Variants in VWA5A observed in about 807,000 individuals in gnomAD.
VWA5A encodes the protein von Willebrand factor A domain-containing protein 5A.
In VWA5A, 77 loss-of-function variants were observed where a neutral mutation model predicts 84.6. The observed-to-expected ratio is 0.91, with a 90% CI of 0.76 to 1.10. The LOEUF (loss-of-function observed/expected upper bound fraction) is 1.10, where lower values mean the gene tolerates loss of function less well. Among genes scored for constraint, VWA5A ranks in the 50% least tolerant of loss-of-function variants. VWA5A has a pLI of 0.00. For missense variants in VWA5A, 973 were observed against 963.0 expected (o/e 1.01, Z -0.14); for synonymous variants, 334 against 350.1 (o/e 0.95, Z 0.51).
At chr11:124,123,206 C>T (rs964433092) in intron 8 of VWA5A, 77 bp downstream of exon 8, 60 of 1,551,506 alleles carry the variant, frequency 3.9e-5, no homozygotes, top group Non-Finnish European at 5.2e-5. Context: ...AAGGGTCTAT[C>T]TGGAGCCTGA....
intron 6 of VWA5A, 128 bp downstream of exon 6, chr11:124,118,836 A>G: frequency 1.5e-6 from 2 of 1,354,664 alleles, no homozygotes; most frequent in Non-Finnish European, 2.0e-6. Context: ...ATCGTCATTT[A>G]ATCTCCAGAG....
At chr11:124,122,897 T>G (rs1864952200) in intron 7 of VWA5A, 63 bp from the exon 8 acceptor site, 22 of 1,491,616 alleles carry the variant, frequency 1.5e-5, no homozygotes, top group Non-Finnish European at 2.0e-5. Context: ...TACCATTGAT[T>G]CTTAGGTACT....
rs200114560 is a variant in VWA5A at position 124,117,545 on chromosome 11, C to T, written c.34C>T (p.Arg12Trp). The change falls in exon 3 of 19, where the codon CGG becomes TGG. Residue 12 changes from arginine (R) to tryptophan (W), a missense_variant. Physicochemically the swap from Arg to Trp is moderately radical, Grantham distance 101 (BLOSUM62 -3). Coordinates refer to ENST00000456829, the MANE Select transcript of VWA5A (RefSeq NM_001130142.2). ...VHFCGLLTLH[R>W]EPVPLKSISV... is the part of the protein sequence containing the mutation. ...CTTCTGTGGCCTACTCACCCTCCACCGGGAGCCAGGTAAGCCTAATTTGTG... is the reference window on the plus strand; with the variant it reads ...CTTCTGTGGCCTACTCACCCTCCACTGGGAGCCAGGTAAGCCTAATTTGTG... The T allele has an allele frequency of 1.5e-4, 243 of 1,614,200 alleles. No homozygotes were observed. The highest frequency in any genetic ancestry group is 2.2e-4 in the South Asian group (20 of 91,086).
intron 7 of VWA5A, among the ~76,000 whole-genome samples, chr11:124,119,808 G>A (rs80148061): frequency 0.012 from 1,802 of 152,274 alleles, 25 homozygotes; most frequent in Middle Eastern, 0.024. Flanking sequence ...GTAAGTTATA[G>A]ACAGATTACC....
At chr11:124,134,001 A>G (rs1865135576) in intron 11 of VWA5A, among the ~76,000 whole-genome samples, 1 of 152,218 alleles carries the variant, frequency 6.6e-6, no homozygotes, top group Non-Finnish European at 1.5e-5. Flanking sequence ...AGTGTGAGCC[A>G]CCACACCCAG....
chr11:124,135,631 CGCCA>C (rs1865166716), intron 12 of VWA5A, among the ~76,000 whole-genome samples: 2 of 140,660 alleles, frequency 1.4e-5, no homozygotes, highest in African/African-American at 5.4e-5. Context: ...CCCGGGTTCA[CGCCA>C]TTCTCCTGCC....
At chr11:124,145,112 A>G in intron 17 of VWA5A, 125 bp from the exon 18 acceptor site, 1 of 1,255,008 alleles carries the variant, frequency 8.0e-7, no homozygotes, top group East Asian at 2.5e-5. Context: ...ATCTGGAGGT[A>G]AAGAGAGACC....
At chr11:124,122,733 T>C (rs1289581343) in intron 7 of VWA5A, among the ~76,000 whole-genome samples, 1 of 152,240 alleles carries the variant, frequency 6.6e-6, no homozygotes, top group Admixed American at 6.5e-5. Context: ...TTGTGTCTAC[T>C]AACTTCTATC....
At chr11:124,144,131 A>G (rs967704260) in intron 17 of VWA5A, among the ~76,000 whole-genome samples, 2 of 152,300 alleles carry the variant, frequency 1.3e-5, no homozygotes, top group African/African-American at 4.8e-5. Context: ...ACTATCAGTC[A>G]AAAGAATCAG....
rs571408809 is a variant in VWA5A at position 124,129,487 on chromosome 11, G to A, written c.1244+5171G>A. On this transcript the variant is annotated intron_variant, in intron 11 of 18. Transcript: ENST00000456829. ...AGGTTTTGGTATTAAGATGATGCTGGCTTCATAAAATGAGTTAGGGAGGAT... is the reference window on the plus strand; with the variant it reads ...AGGTTTTGGTATTAAGATGATGCTGACTTCATAAAATGAGTTAGGGAGGAT... 5.9e-5 allele frequency among the ~76,000 whole-genome samples: 9 copies of A among 152,232 alleles called. No homozygotes were observed. The East Asian group carries it at 1.3e-3, about 23-fold the overall frequency.
At chr11:124,131,274 G>T (rs550909249) in intron 11 of VWA5A, among the ~76,000 whole-genome samples, 1 of 152,126 alleles carries the variant, frequency 6.6e-6, no homozygotes, top group African/African-American at 2.4e-5. Flanking sequence ...GCATGGAGAT[G>T]CTGGATAAAG....
intron 15 of VWA5A, among the ~76,000 whole-genome samples, chr11:124,140,370 T>C (rs1054575965): frequency 3.3e-5 from 5 of 152,120 alleles, no homozygotes; most frequent in African/African-American, 1.2e-4. Context: ...AGTCAAGAAC[T>C]TAGTAGTCCA....
chr11:124,137,606 T>A (rs904835073), intron 15 of VWA5A, among the ~76,000 whole-genome samples: 11 of 152,262 alleles, frequency 7.2e-5, no homozygotes, highest in Non-Finnish European at 1.5e-4. Flanking sequence ...TTCACCCATT[T>A]AAAGTGTACA....
rs1435939750 is a variant in VWA5A at position 124,123,533 on chromosome 11, G to A, written c.1019+79G>A. The stretch of plus-strand genomic sequence containing the variant: ...ACTAAATTGTTAAAGGGGTTACTGC[G>A]GAGTTGACTTTGGCATTGGGGGTTT... On this transcript the variant is annotated intron_variant, in intron 9 of 18. Transcript: ENST00000456829. The A allele has an allele frequency of 4.4e-6, 7 of 1,600,104 alleles. No homozygotes were observed. In the East Asian group the frequency reaches 6.7e-5, roughly 15 times the overall value.
chr11:124,137,783 G>C (rs772408528), intron 15 of VWA5A, among the ~76,000 whole-genome samples: 25 of 152,086 alleles, frequency 1.6e-4, no homozygotes, highest in Non-Finnish European at 2.4e-4. Context: ...CTCTCCACCA[G>C]TCCCAGTAAT....
chr11:124,123,212 C>A (rs1173317289), intron 8 of VWA5A, 83 bp downstream of exon 8: 3 of 1,543,360 alleles, frequency 1.9e-6, no homozygotes, highest in Non-Finnish European at 2.6e-6. Context: ...CTATCTGGAG[C>A]CTGAGAGAGC....
intron 10 of VWA5A, 101 bp from the exon 11 acceptor site, chr11:124,124,136 A>G (rs750392153): frequency 1.5e-4 from 169 of 1,119,388 alleles, no homozygotes; most frequent in Non-Finnish European, 2.1e-4. Flanking sequence ...AAGAGGCACC[A>G]GAGCCTCTGC....
chr11:124,122,921 T>A, intron 7 of VWA5A, 39 bp from the exon 8 acceptor site: 2 of 1,575,544 alleles, frequency 1.3e-6, no homozygotes, highest in Non-Finnish European at 1.7e-6. Context: ...ATTCTTGAGT[T>A]CCTTTTTGTC....
intron 2 of VWA5A, among the ~76,000 whole-genome samples, 171 bp downstream of exon 2, chr11:124,116,851 C>A (rs142001021): frequency 6.6e-6 from 1 of 152,074 alleles, no homozygotes; most frequent in Non-Finnish European, 1.5e-5. Flanking sequence ...AACAAATATA[C>A]TCGTATCTTT....
Sources: allele counts gnomAD v4.1 joint callset (sites outside exome capture counted in the v4.1 genomes callset), GRCh38; gene constraint gnomAD v4.1.1; transcripts MANE v1.5; gene names NCBI Gene and HGNC (gene_info 2026-07-23, HGNC 2026-07-21).